BMP6: variants seen among roughly 807,000 people sequenced by gnomAD.
BMP6 encodes the protein VG-1-R.
BMP6 carries 17 observed loss-of-function variants against 54.1 expected under a neutral mutation model. The observed-to-expected ratio is 0.31, with a 90% CI of 0.22 to 0.47. The LOEUF (loss-of-function observed/expected upper bound fraction) is 0.47. Among genes scored for constraint, BMP6 ranks in the 20% least tolerant of loss-of-function variants. BMP6 has a pLI of 1.00. For synonymous variants in BMP6, 328 were observed against 291.2 expected, an observed-to-expected ratio of 1.13 and a Z score of -1.28; for missense variants, 720 against 690.4, an observed-to-expected ratio of 1.04 and a Z score of -0.48.
At chr6:7,847,669 T>A (rs577360699) in intron 2 of BMP6, among the ~76,000 whole-genome samples, 1 of 152,130 alleles carries the variant, frequency 6.6e-6, no homozygotes, top group African/African-American at 2.4e-5. Flanking sequence ...CACACTCAGC[T>A]GGGGTGGCAG....
At chr6:7,857,582 C>T (rs927023440) in intron 2 of BMP6, among the ~76,000 whole-genome samples, 2 of 152,186 alleles carry the variant, frequency 1.3e-5, no homozygotes, top group East Asian at 3.9e-4. Context: ...GATTCTTTAT[C>T]AGTGACACAC....
chr6:7,877,713 T>G (rs1286893040), intron 4 of BMP6, among the ~76,000 whole-genome samples: 1 of 152,126 alleles, frequency 6.6e-6, no homozygotes, highest in African/African-American at 2.4e-5. Flanking sequence ...AAAATCAAGT[T>G]CAAACAGGCT....
chr6:7,745,989 A>C (rs1262264794), intron 1 of BMP6, among the ~76,000 whole-genome samples: 1 of 151,892 alleles, frequency 6.6e-6, no homozygotes, highest in East Asian at 1.9e-4. Context: ...GAGAGAGAGA[A>C]TATTGAGGGA....
chr6:7,807,841 G>C (rs1758369718), intron 1 of BMP6, among the ~76,000 whole-genome samples: 1 of 151,278 alleles, frequency 6.6e-6, no homozygotes, highest in African/African-American at 2.4e-5. Context: ...AAAGAATGCA[G>C]ACATTGGCCT....
chr6:7,772,081 AC>A (rs1239787422), intron 1 of BMP6, among the ~76,000 whole-genome samples: 2 of 151,828 alleles, frequency 1.3e-5, no homozygotes, highest in South Asian at 2.1e-4. Context: ...ACAAAAAAAA[AC>A]AAACCCAAAA....
chr6:7,757,564 T>C (rs780357787), intron 1 of BMP6, among the ~76,000 whole-genome samples: 10 of 152,196 alleles, frequency 6.6e-5, no homozygotes, highest in Non-Finnish European at 1.3e-4. Flanking sequence ...AATGTCACAT[T>C]CTGAGGTTCT....
At chr6:7,802,948 G>A (rs1758293573) in intron 1 of BMP6, among the ~76,000 whole-genome samples, 1 of 152,206 alleles carries the variant, frequency 6.6e-6, no homozygotes, top group Non-Finnish European at 1.5e-5. Context: ...TGCAGGTGCT[G>A]TGGGATACAA....
chr6:7,831,475 G>T (rs1021756494), intron 1 of BMP6, among the ~76,000 whole-genome samples: 25 of 152,172 alleles, frequency 1.6e-4, no homozygotes, highest in African/African-American at 5.8e-4. Context: ...CAATTGAAAA[G>T]AATGAAAGAT....
chr6:7,766,972 T>A (rs1008081265), intron 1 of BMP6, among the ~76,000 whole-genome samples: 4 of 146,028 alleles, frequency 2.7e-5, no homozygotes, highest in African/African-American at 1.0e-4. Context: ...TTATTTATTT[T>A]TTTAAATGAT....
chr6:7,742,190 C>T (rs1296305730), intron 1 of BMP6, among the ~76,000 whole-genome samples: 1 of 152,156 alleles, frequency 6.6e-6, no homozygotes, highest in Admixed American at 6.5e-5. Flanking sequence ...GGTTTATGTT[C>T]TGTGACTTTC....
intron 1 of BMP6, among the ~76,000 whole-genome samples, chr6:7,764,048 G>A (rs1757650446): frequency 6.6e-6 from 1 of 152,226 alleles, no homozygotes; most frequent in Non-Finnish European, 1.5e-5. Flanking sequence ...GCCATGCCCT[G>A]CCAGTGAGAG....
chr6:7,822,266 C>T (rs1045400509), intron 1 of BMP6, among the ~76,000 whole-genome samples: 3 of 152,172 alleles, frequency 2.0e-5, no homozygotes, highest in Admixed American at 6.5e-5. Flanking sequence ...GTGATCTGCC[C>T]GCCTTGGCCT....
At chr6:7,791,519 A>T (rs1758106916) in intron 1 of BMP6, among the ~76,000 whole-genome samples, 2 of 151,910 alleles carry the variant, frequency 1.3e-5, no homozygotes, top group African/African-American at 4.8e-5. Flanking sequence ...CTCCATCTTC[A>T]TGGCAACCTC....
chr6:7,858,118 T>G (rs1759277376), intron 2 of BMP6, among the ~76,000 whole-genome samples: 1 of 152,160 alleles, frequency 6.6e-6, no homozygotes, highest in African/African-American at 2.4e-5. Context: ...GGTCTCACTC[T>G]GTCGTCCAGG....
At chr6:7,815,944 A>C (rs1408876240) in intron 1 of BMP6, among the ~76,000 whole-genome samples, 1 of 152,186 alleles carries the variant, frequency 6.6e-6, no homozygotes, top group African/African-American at 2.4e-5. Flanking sequence ...CTGGAAACCA[A>C]ATGGTTGGCA....
chr6:7,729,807 C>T (rs1265648173), intron 1 of BMP6, among the ~76,000 whole-genome samples: 1 of 152,106 alleles, frequency 6.6e-6, no homozygotes, highest in Non-Finnish European at 1.5e-5. Flanking sequence ...CTTAAAAAAA[C>T]CCAGATGCCC....
rs754411823 is a variant in BMP6, at chr6:7,845,231, G to T, written c.756G>T (p.Thr252=). ...LSQIPEGEVV[T]AAEFRIYKDC... ...AGATTCCTGAGGGTGAGGTGGTGAC[G>T]GCTGCAGAATTCCGCATCTACAAGG... The change falls in exon 2 of 7, where the codon ACG becomes ACT. Residue 252 remains threonine, a synonymous_variant. Coordinates refer to ENST00000283147, the MANE Select transcript of BMP6 (RefSeq NM_001718.6). 1 of 1,614,002 alleles carries T rather than the reference G, an allele frequency of 6.2e-7. No homozygotes were observed. Among genetic ancestry groups the T allele is most frequent in the Non-Finnish European group, 8.5e-7 (1 of 1,179,974 alleles).
intron 1 of BMP6, among the ~76,000 whole-genome samples, chr6:7,807,530 T>C (rs573733478): frequency 9.5e-4 from 144 of 152,160 alleles, no homozygotes; most frequent in African/African-American, 3.2e-3. Context: ...CCGCCCACCT[T>C]GGCCTCCCAA....
chr6:7,878,449 C>T, intron 4 of BMP6, among the ~76,000 whole-genome samples: 1 of 152,156 alleles, frequency 6.6e-6, no homozygotes, highest in East Asian at 1.9e-4. Context: ...TCAGCAGAGT[C>T]TCCTGAGGAA....
Sources: allele counts gnomAD v4.1 joint callset (sites outside exome capture counted in the v4.1 genomes callset), GRCh38; gene constraint gnomAD v4.1.1; transcripts MANE v1.5; gene names NCBI Gene and HGNC (gene_info 2026-07-23, HGNC 2026-07-21).